GFPT2: variants seen among roughly 807,000 people sequenced by gnomAD.
GFPT2 encodes the protein glutamine--fructose-6-phosphate aminotransferase [isomerizing] 2.
A neutral mutation model predicts 85.6 loss-of-function variants in GFPT2; 62 were observed. That is an observed-to-expected ratio of 0.72 (90% CI 0.59 to 0.90). The LOEUF is 0.90. Among genes scored for constraint, GFPT2 ranks in the 40% least tolerant of loss-of-function variants. The pLI is 0.00. For synonymous variants in GFPT2, 368 were observed against 344.5 expected, an observed-to-expected ratio of 1.07 and a Z score of -0.75; for missense variants, 788 against 893.4, an observed-to-expected ratio of 0.88 and a Z score of 1.50.
chr5:180,351,393 C>G (rs577060704), intron 1 of GFPT2, among the ~76,000 whole-genome samples: 1 of 152,230 alleles, frequency 6.6e-6, no homozygotes, highest in African/African-American at 2.4e-5. Context: ...TCCACGACTT[C>G]CTGCTGAGCT....
chr5:180,312,010 G>C (rs867252873), intron 15 of GFPT2, among the ~76,000 whole-genome samples: 4,205 of 81,938 alleles, frequency 0.051, 758 homozygotes, highest in African/African-American at 0.084. Flanking sequence ...AGGCTGAGGG[G>C]CAGGGAGGCA....
chr5:180,304,135 G>A lies in GFPT2; in HGVS notation c.1842+637C>T, dbSNP rs149822322. Among the ~76,000 whole-genome samples, 10 of 152,334 alleles carry A rather than the reference G, an allele frequency of 6.6e-5. No individual in the cohort carries two copies. In the East Asian group the frequency reaches 1.9e-3, roughly 29 times the overall value. On this transcript the variant is annotated intron_variant, in intron 17 of 18. Coordinates refer to ENST00000253778, the MANE Select transcript of GFPT2 (RefSeq NM_005110.4). Reference sequence around the variant, plus strand: ...GGCGACACACAGTGACGTGCTGGGAGGGTGACACATCCTGAGGACACAAGC... The same window carrying A: ...GGCGACACACAGTGACGTGCTGGGAAGGTGACACATCCTGAGGACACAAGC...
At position 180,301,609 on chromosome 5, in the gene GFPT2, C is replaced by A; in HGVS notation, c.2005-1G>T. 6.2e-7 allele frequency: 1 copy of A among 1,612,960 alleles called. No homozygotes were observed. Among genetic ancestry groups the A allele is most frequent in the Non-Finnish European group, 8.5e-7 (1 of 1,178,940 alleles). On this transcript the variant is annotated splice_acceptor_variant, in intron 18 of 18. Transcript: ENST00000253778. LOFTEE classifies it high-confidence loss of function. ...TGGCCAGATTTCTGGGGAAGTCAAC[C>A]TAAAATGAAAGAAAGTGACTGTTCA... is the stretch of plus-strand genomic sequence containing the variant.
intron 13 of GFPT2, 75 bp from the exon 14 acceptor site, chr5:180,314,039 GC>G: frequency 7.1e-7 from 1 of 1,406,074 alleles, no homozygotes; most frequent in South Asian, 1.4e-5. Flanking sequence ...CTCCTTCACC[GC>G]CGGCTCTTAC....
In GFPT2 at chr5:180,338,568, G is replaced by A. The variant is rs944697750; in HGVS notation, c.40C>T (p.Arg14Trp). The A allele has an allele frequency of 9.3e-6, 15 of 1,609,612 alleles. No homozygotes were observed. Among genetic ancestry groups the A allele is most frequent in the Admixed American group, 6.7e-5 (4 of 59,998 alleles). ...IFAYMNYRVP[R>W]TRKEIFETLI... The stretch of plus-strand genomic sequence containing the variant: ...GTTTCGAAGATCTCCTTCCTCGTCC[G>A]GGGGACTCTGTAGTTCATGTAGGCA... Residue 14 changes from arginine to tryptophan, a missense_variant, in exon 2 of 19, where the codon CGG (arginine) becomes TGG (tryptophan). Transcript: ENST00000253778.
At position 180,324,763 on chromosome 5, in the gene GFPT2, G is replaced by A. The variant is rs6871472; in HGVS notation, c.676+53C>T. 619 of 1,183,758 alleles carry A rather than the reference G, an allele frequency of 5.2e-4. 4 individuals carry two copies. The African/African-American group carries it at 7.7e-3, about 15-fold the overall frequency. The allele number at this position is 1,183,758 out of a possible 1,614,324, so 73.3% of individuals were successfully genotyped here. On this transcript the variant is annotated intron_variant, in intron 8 of 18. Coordinates refer to ENST00000253778, the MANE Select transcript of GFPT2 (RefSeq NM_005110.4). The stretch of plus-strand genomic sequence containing the variant: ...AGCTGACTGTGCCAGAGCAGCTGCC[G>A]AGTCCTGCGACACCAGCAGCTGTGC...
chr5:180,335,355 T>C (rs571357055), intron 4 of GFPT2, among the ~76,000 whole-genome samples: 8 of 152,176 alleles, frequency 5.3e-5, no homozygotes, highest in Admixed American at 1.3e-4. Context: ...GTGTGTCTGG[T>C]GGCACCAATC....
chr5:180,329,905 G>A (rs1381808329), intron 6 of GFPT2, among the ~76,000 whole-genome samples: 1 of 152,188 alleles, frequency 6.6e-6, no homozygotes, highest in Non-Finnish European at 1.5e-5. Flanking sequence ...CCCAGTGTGT[G>A]CTCCCTTCTC....
At position 180,301,727 on chromosome 5, in the gene GFPT2, C is replaced by T. The variant is rs1224979750; in HGVS notation, c.2005-119G>A. 3.7e-6 allele frequency: 3 copies of T among 815,174 alleles called. No individual in the cohort carries two copies. The African/African-American group carries it at 5.1e-5, about 14-fold the overall frequency. The allele number at this position is 815,174 out of a possible 1,614,324, so 50.5% of individuals were successfully genotyped here. A position where few individuals can be genotyped will look rare whatever the true frequency, so the allele number is the denominator to read the frequency against. ...ACAGATGTTCACCATGGTCACCAAC[C>T]TAGAGACCTGCGTCTTGGAGGCAGA... On this transcript the variant is annotated intron_variant, in intron 18 of 18. Coordinates refer to ENST00000253778, the MANE Select transcript of GFPT2 (RefSeq NM_005110.4).
chr5:180,312,179 CTG>C (rs1763906308), intron 15 of GFPT2, among the ~76,000 whole-genome samples: 3 of 85,814 alleles, frequency 3.5e-5, no homozygotes, highest in African/African-American at 4.3e-5. Context: ...GGCAGGGAGG[CTG>C]AGGACCAGGG....
chr5:180,309,833 T>C (rs1349922104), intron 15 of GFPT2, among the ~76,000 whole-genome samples: 4 of 151,480 alleles, frequency 2.6e-5, no homozygotes, highest in East Asian at 3.9e-4. Flanking sequence ...TTTTTTGAGA[T>C]GGAGTATCAC....
At chr5:180,335,014 G>A (rs1764368673) in intron 4 of GFPT2, among the ~76,000 whole-genome samples, 1 of 152,210 alleles carries the variant, frequency 6.6e-6, no homozygotes. Context: ...ACCCATGCAA[G>A]TGACACAGAC....
Position 180,318,878 on chromosome 5 carries a change from G to T in GFPT2, c.873C>A (p.Ser291=). 6.2e-7 allele frequency: 1 copy of T among 1,613,978 alleles called. No individual in the cohort carries two copies. The highest frequency in any genetic ancestry group is 8.5e-7 in the Non-Finnish European group (1 of 1,179,966). Residue 291 remains serine, a synonymous_variant, in exon 10 of 19, where the codon TCC becomes TCA. Coordinates refer to ENST00000253778, the MANE Select transcript of GFPT2 (RefSeq NM_005110.4). The surrounding 1 kb of genome is among the most constrained non-coding windows in gnomAD (Gnocchi z 4.2). ...DIAAVADGKL[S]IHRVKRSASD... is the part of the protein sequence containing the mutation. ...TGGCCGAGCGCTTGACCCGGTGAAT[G>T]GAGAGTTTCCCATCAGCCACTGCGG... is the stretch of plus-strand genomic sequence containing the variant.
intron 7 of GFPT2, among the ~76,000 whole-genome samples, chr5:180,326,266 ATTAAT>A (rs1437564633): frequency 6.6e-6 from 1 of 151,312 alleles, no homozygotes; most frequent in African/African-American, 2.4e-5. Flanking sequence ...CCCTCTACAC[ATTAAT>A]TTATTAATAA....
At chr5:180,315,127 A>T (rs1243592564) in intron 13 of GFPT2, among the ~76,000 whole-genome samples, 1 of 152,182 alleles carries the variant, frequency 6.6e-6, no homozygotes, top group Non-Finnish European at 1.5e-5. Flanking sequence ...ATAGGGCATT[A>T]CAATCAGTAT....
chr5:180,316,915 C>T lies in GFPT2; in HGVS notation c.1054+48G>A, dbSNP rs373725403. 16 of 1,562,958 alleles carry T rather than the reference C, an allele frequency of 1.0e-5. No homozygotes were observed. In the South Asian group the frequency reaches 1.1e-4, roughly 11 times the overall value. Reference sequence around the variant, plus strand: ...CTGAGTCTACACAGTCACCGCATTCCCTGAGACTAGGCTCGGGCGGAGGCT... The same window carrying T: ...CTGAGTCTACACAGTCACCGCATTCTCTGAGACTAGGCTCGGGCGGAGGCT... On this transcript the variant is annotated intron_variant, in intron 11 of 18. Transcript: ENST00000253778.
chr5:180,340,192 T>G (rs1764484332), intron 1 of GFPT2, among the ~76,000 whole-genome samples: 1 of 151,826 alleles, frequency 6.6e-6, no homozygotes. Flanking sequence ...AGGTTTTTTT[T>G]TTTGTTTTTG....
chr5:180,351,551 G>A (rs1436511247), intron 1 of GFPT2, among the ~76,000 whole-genome samples: 2 of 152,170 alleles, frequency 1.3e-5, no homozygotes, highest in Non-Finnish European at 2.9e-5. Context: ...AGCCCTGGGT[G>A]TCCTTTGGGG....
chr5:180,321,950 AT>A (rs368624976), intron 9 of GFPT2, among the ~76,000 whole-genome samples: 21 of 147,588 alleles, frequency 1.4e-4, no homozygotes, highest in East Asian at 4.0e-4. Context: ...CGCCCGGCTG[AT>A]TTTTTTTTTG....
Sources: allele counts gnomAD v4.1 joint callset (sites outside exome capture counted in the v4.1 genomes callset), GRCh38; gene constraint gnomAD v4.1.1; non-coding constraint Gnocchi (gnomAD v3.1); transcripts MANE v1.5; gene names NCBI Gene and HGNC (gene_info 2026-07-23, HGNC 2026-07-21).